Variants in SKAP1 observed in about 807,000 individuals in gnomAD.
The protein encoded by SKAP1 is src kinase associated phosphoprotein 1, also known as src kinase-associated phosphoprotein 1.
SKAP1 carries 44 observed loss-of-function variants against 58.5 expected under a neutral mutation model. That is an observed-to-expected ratio of 0.75 (90% confidence interval 0.59 to 0.97). SKAP1 has a LOEUF of 0.97. Among genes scored for constraint, SKAP1 ranks in the 50% least tolerant of loss-of-function variants. The pLI is 0.00. For synonymous variants in SKAP1, 127 were observed against 149.7 expected, an observed-to-expected ratio of 0.85 and a Z score of 1.11; for missense variants, 390 against 435.2, an observed-to-expected ratio of 0.90 and a Z score of 0.92.
chr17:48,298,574 C>T (rs916138921), intron 4 of SKAP1, among the ~76,000 whole-genome samples: 5 of 152,204 alleles, frequency 3.3e-5, no homozygotes, highest in African/African-American at 1.2e-4. Context: ...CTGAGTAGTA[C>T]ACTATTCCCT....
intron 4 of SKAP1, among the ~76,000 whole-genome samples, chr17:48,272,755 C>A (rs1429164147): frequency 6.6e-6 from 1 of 151,930 alleles, no homozygotes; most frequent in Non-Finnish European, 1.5e-5. Context: ...CGGGGTTTCA[C>A]CATGTTGCCC....
chr17:48,147,787 A>C (rs964330162), intron 11 of SKAP1, among the ~76,000 whole-genome samples: 35 of 152,036 alleles, frequency 2.3e-4, no homozygotes, highest in African/African-American at 8.0e-4. Flanking sequence ...CATTATTCAG[A>C]GTTTTGGTCT....
At chr17:48,144,456 G>A (rs1003136036) in intron 11 of SKAP1, among the ~76,000 whole-genome samples, 3 of 152,112 alleles carry the variant, frequency 2.0e-5, no homozygotes, top group Non-Finnish European at 2.9e-5. Context: ...AGATCCGGCC[G>A]AGAACTATCA....
chr17:48,172,731 CT>C (rs1567804991), intron 9 of SKAP1, among the ~76,000 whole-genome samples: 1 of 152,082 alleles, frequency 6.6e-6, no homozygotes, highest in Admixed American at 6.6e-5. Context: ...ATTTCTCTTT[CT>C]TTTTTTAAAT....
intron 4 of SKAP1, among the ~76,000 whole-genome samples, chr17:48,206,931 A>G (rs1420109033): frequency 6.6e-6 from 1 of 152,216 alleles, no homozygotes; most frequent in Non-Finnish European, 1.5e-5. Context: ...GACTACAGGT[A>G]CACACCATTG....
intron 4 of SKAP1, among the ~76,000 whole-genome samples, chr17:48,259,674 T>C (rs12941754): frequency 0.24 from 36,755 of 152,086 alleles, 4,637 homozygotes; most frequent in African/African-American, 0.31. Context: ...GAAGAAGACA[T>C]ACATTTACAG....
rs539651935 is a variant in SKAP1, at chr17:48,413,169, C to T, written c.47-16384G>A. 2.0e-5 allele frequency among the ~76,000 whole-genome samples: 3 copies of T among 151,864 alleles called. 1 individual carries two copies. In the South Asian group the frequency reaches 6.2e-4, roughly 32 times the overall value. ...TATGAAGCCAGTATAACTCTGATACCAAAACTTGATGAAGACCTAGGAAAG... is the reference window on the plus strand; with the variant it reads ...TATGAAGCCAGTATAACTCTGATACTAAAACTTGATGAAGACCTAGGAAAG... On this transcript the variant is annotated intron_variant, in intron 1 of 12. Transcript: ENST00000336915.
chr17:48,259,186 G>A (rs1297005725), intron 4 of SKAP1, among the ~76,000 whole-genome samples: 1 of 151,856 alleles, frequency 6.6e-6, no homozygotes, highest in Non-Finnish European at 1.5e-5. Context: ...TAAAAGTGCA[G>A]AACAATGTCA....
chr17:48,148,516 C>T (rs753711724), intron 11 of SKAP1, among the ~76,000 whole-genome samples: 6 of 152,194 alleles, frequency 3.9e-5, no homozygotes, highest in Non-Finnish European at 7.4e-5. Context: ...CTGTTTTGCT[C>T]TGACCGCAGT....
At chr17:48,313,966 T>C (rs752277513) in intron 4 of SKAP1, among the ~76,000 whole-genome samples, 5 of 152,216 alleles carry the variant, frequency 3.3e-5, no homozygotes, top group Non-Finnish European at 5.9e-5. Flanking sequence ...AAATAAAATA[T>C]GTGATTTAAA....
At chr17:48,372,131 C>A (rs116204758) in intron 2 of SKAP1, among the ~76,000 whole-genome samples, 138 of 151,908 alleles carry the variant, frequency 9.1e-4, no homozygotes, top group African/African-American at 3.3e-3. Context: ...GCCACCATAC[C>A]CAGTTAATTT....
intron 10 of SKAP1, among the ~76,000 whole-genome samples, chr17:48,164,411 C>T (rs1280088165): frequency 6.6e-6 from 1 of 152,114 alleles, no homozygotes; most frequent in Admixed American, 6.5e-5. Flanking sequence ...TCTGGCCTAG[C>T]AGATAGTCAC....
upstream of SKAP1, among the ~76,000 whole-genome samples, chr17:48,431,020 T>C (rs768911002): frequency 6.6e-6 from 1 of 152,246 alleles, no homozygotes; most frequent in Non-Finnish European, 1.5e-5. Flanking sequence ...AGAGTTCCTC[T>C]ATTATTTCTG....
chr17:48,241,650 T>C (rs915066888), intron 4 of SKAP1, among the ~76,000 whole-genome samples: 1 of 152,152 alleles, frequency 6.6e-6, no homozygotes, highest in South Asian at 2.1e-4. Flanking sequence ...ACAAAACAGA[T>C]CTAAAACCAT....
At chr17:48,182,216 T>G (rs1434314260) in intron 8 of SKAP1, among the ~76,000 whole-genome samples, 178 bp downstream of exon 8, 1 of 152,220 alleles carries the variant, frequency 6.6e-6, no homozygotes, top group East Asian at 1.9e-4. Context: ...TGATACTGTC[T>G]TTATCTTCTC....
At chr17:48,436,148 T>G in the SKAP1 span, among the ~76,000 whole-genome samples, 1 of 152,088 alleles carries the variant, frequency 6.6e-6, no homozygotes, top group African/African-American at 2.4e-5. Flanking sequence ...CTTGGCTCAC[T>G]GCAACCTCCA....
intron 3 of SKAP1, among the ~76,000 whole-genome samples, chr17:48,353,825 G>A (rs1183799159): frequency 6.6e-6 from 1 of 151,076 alleles, no homozygotes; most frequent in Non-Finnish European, 1.5e-5. Flanking sequence ...TAAAACCCAG[G>A]AGGCAGAGGT....
chr17:48,432,012 A>G (rs1226012789), upstream of SKAP1, among the ~76,000 whole-genome samples: 1 of 152,206 alleles, frequency 6.6e-6, no homozygotes, highest in Non-Finnish European at 1.5e-5. Flanking sequence ...GCAGTGGTGC[A>G]TTGGTTTCAG....
chr17:48,273,525 C>T (rs980760826), intron 4 of SKAP1, among the ~76,000 whole-genome samples: 3 of 150,926 alleles, frequency 2.0e-5, no homozygotes, highest in African/African-American at 7.3e-5. Flanking sequence ...TCAAGTGATT[C>T]TCCTGCCTCA....
Sources: gnomAD v4.1 joint callset for allele counts (sites outside exome capture counted in the v4.1 genomes callset) on GRCh38, gnomAD v4.1.1 for gene constraint, MANE v1.5 for transcripts, NCBI Gene and HGNC (gene_info 2026-07-23, HGNC 2026-07-21) for gene names.